PDE4B: variants seen among roughly 807,000 people sequenced by gnomAD.
PDE4B encodes the protein 3',5'-cyclic-AMP phosphodiesterase 4B.
A neutral mutation model predicts 82.2 loss-of-function variants in PDE4B; 20 were observed. That is an observed-to-expected ratio of 0.24 (90% CI 0.17 to 0.35). PDE4B has a LOEUF of 0.35. PDE4B is among the 10% of genes least tolerant of loss of function. PDE4B has a pLI of 1.00. For missense variants in PDE4B, 655 were observed against 907.2 expected (o/e 0.72, Z 3.57); for synonymous variants, 320 against 318.9 (o/e 1.00, Z -0.04).
chr1:66,184,457 A>C (rs1647138080), intron 3 of PDE4B, among the ~76,000 whole-genome samples: 2 of 152,208 alleles, frequency 1.3e-5, no homozygotes, highest in South Asian at 4.1e-4. Flanking sequence ...GAAGAAATGA[A>C]AAGCAAAGAA....
chr1:65,835,918 CT>C lies in PDE4B; in HGVS notation c.-71+42680del, dbSNP rs902471101. 3.9e-3 allele frequency among the ~76,000 whole-genome samples: 574 copies of C among 148,572 alleles called. 4 individuals are homozygous for C. Among genetic ancestry groups the C allele is most frequent in the African/African-American group, 0.013 (541 of 40,678 alleles). On this transcript the variant is annotated intron_variant, in intron 1 of 16. Coordinates refer to ENST00000341517, the MANE Select transcript of PDE4B (RefSeq NM_002600.4). ...CACTTGAGTGAAGTAGCTTTACTCT[CT>C]TTTTTTTTTATTTATATATTTTTAT...
Position 66,170,430 on chromosome 1 carries a change from G to T in PDE4B, c.282-77030G>T, listed in dbSNP as rs543030087. On this transcript the variant is annotated intron_variant, in intron 3 of 16. Coordinates refer to ENST00000341517, the MANE Select transcript of PDE4B (RefSeq NM_002600.4). ...CTTGTGAATTGAGTGGAGTTTTTCT[G>T]TAAGAATAAATTATCTGTTTCCTCA... Among the ~76,000 whole-genome samples, 11 of 152,230 alleles carry T rather than the reference G, an allele frequency of 7.2e-5. No homozygotes were observed. The South Asian group carries it at 1.2e-3, about 17-fold the overall frequency.
chr1:66,354,374 C>T (rs1406778702), intron 8 of PDE4B: 2 of 985,524 alleles, frequency 2.0e-6, no homozygotes, highest in East Asian at 1.1e-4. Flanking sequence ...ATTCATGGGG[C>T]TTCCTCCATT....
At chr1:66,341,833 T>A (rs116333307) in intron 8 of PDE4B, among the ~76,000 whole-genome samples, 1 of 152,314 alleles carries the variant, frequency 6.6e-6, no homozygotes, top group African/African-American at 2.4e-5. Context: ...ACCCTCTCCC[T>A]ACACCCTAGA....
chr1:65,796,955 ATTT>A (rs71058430), intron 1 of PDE4B, among the ~76,000 whole-genome samples: 4 of 131,174 alleles, frequency 3.0e-5, no homozygotes, highest in Non-Finnish European at 4.8e-5. Flanking sequence ...AGCCTGAAAC[ATTT>A]TTTTTTTTTT....
At chr1:66,282,493 G>A (rs1243429138) in intron 7 of PDE4B, among the ~76,000 whole-genome samples, 1 of 152,220 alleles carries the variant, frequency 6.6e-6, no homozygotes, top group Admixed American at 6.5e-5. Flanking sequence ...AAACTGAGGT[G>A]TGTCTTGCTT....
chr1:65,976,627 G>A (rs1004043810), intron 3 of PDE4B, among the ~76,000 whole-genome samples: 14 of 152,096 alleles, frequency 9.2e-5, no homozygotes, highest in Admixed American at 2.6e-4. Context: ...CCTGGTGAGA[G>A]GTGATTAGAT....
intron 3 of PDE4B, among the ~76,000 whole-genome samples, chr1:66,115,805 G>A (rs772316764): frequency 1.3e-5 from 2 of 152,170 alleles, no homozygotes; most frequent in African/African-American, 4.8e-5. Flanking sequence ...TGATGATAAT[G>A]CTCTTTTGTT....
intron 3 of PDE4B, among the ~76,000 whole-genome samples, chr1:66,171,754 A>G (rs1646840471): frequency 6.6e-6 from 1 of 152,168 alleles, no homozygotes; most frequent in Admixed American, 6.6e-5. Flanking sequence ...AATATTGTGA[A>G]GATTGTGATG....
chr1:66,255,351 G>A (rs1419570979), intron 4 of PDE4B, among the ~76,000 whole-genome samples: 2 of 152,106 alleles, frequency 1.3e-5, no homozygotes, highest in African/African-American at 4.8e-5. Context: ...GCCTCCCAAA[G>A]TGCTGGGATT....
chr1:66,199,697 C>T (rs1309004493), intron 3 of PDE4B, among the ~76,000 whole-genome samples: 1 of 151,570 alleles, frequency 6.6e-6, no homozygotes, highest in Non-Finnish European at 1.5e-5. Context: ...CTAATTTAGG[C>T]CTTAAGTAGG....
chr1:66,255,890 G>T (rs962751947), intron 4 of PDE4B, among the ~76,000 whole-genome samples: 2 of 152,228 alleles, frequency 1.3e-5, no homozygotes, highest in Non-Finnish European at 2.9e-5. Context: ...CATAGGCTGG[G>T]TGTAGTGGTT....
At chr1:66,292,921 C>T (rs1025097210) in intron 7 of PDE4B, among the ~76,000 whole-genome samples, 3 of 152,062 alleles carry the variant, frequency 2.0e-5, no homozygotes, top group Non-Finnish European at 4.4e-5. Context: ...GACTTTAGTA[C>T]GAATGTTTGC....
chr1:65,865,861 T>C (rs1646505208), intron 1 of PDE4B, among the ~76,000 whole-genome samples: 1 of 151,920 alleles, frequency 6.6e-6, no homozygotes, highest in African/African-American at 2.4e-5. Context: ...TCAGTCCCTC[T>C]CTGATACAGT....
chr1:65,981,891 G>T (rs906598024), intron 3 of PDE4B, among the ~76,000 whole-genome samples: 10 of 152,020 alleles, frequency 6.6e-5, no homozygotes, highest in African/African-American at 2.4e-4. Flanking sequence ...CCCTTAGAAA[G>T]AACTAACTCA....
chr1:66,137,422 G>T (rs1646080526), intron 3 of PDE4B, among the ~76,000 whole-genome samples: 1 of 152,208 alleles, frequency 6.6e-6, no homozygotes, highest in Non-Finnish European at 1.5e-5. Context: ...GATCATGTCT[G>T]ATGGCTTTAA....
At chr1:65,995,074 A>C (rs1651463905) in intron 3 of PDE4B, among the ~76,000 whole-genome samples, 1 of 151,648 alleles carries the variant, frequency 6.6e-6, no homozygotes, top group Non-Finnish European at 1.5e-5. Flanking sequence ...TACAATTGCC[A>C]AAAAAAATAG....
intron 3 of PDE4B, among the ~76,000 whole-genome samples, chr1:66,151,851 G>T (rs1646400844): frequency 6.6e-6 from 1 of 152,116 alleles, no homozygotes; most frequent in African/African-American, 2.4e-5. Context: ...GAATAAACCT[G>T]GCTATCCAGA....
At position 66,373,589 on chromosome 1, in the gene PDE4B, G is replaced by C. The variant is rs1003859645; in HGVS notation, c.*911G>C. The stretch of plus-strand genomic sequence containing the variant: ...AGGCTGTTTTCAATGTAATGCTGCC[G>C]TCCTTCTCTTGCACTGCCTTCTGCG... On this transcript the variant is annotated 3_prime_UTR_variant, in exon 17 of 17. Transcript: ENST00000341517. The C allele has an allele frequency of 6.6e-6, 1 of 152,586 alleles. No homozygotes were observed. The highest frequency in any genetic ancestry group is 1.5e-5 in the Non-Finnish European group (1 of 68,094). The allele number at this position is 152,586 out of a possible 1,614,324, so 9.5% of individuals were successfully genotyped here.
Sources: gnomAD v4.1 joint callset for allele counts (sites outside exome capture counted in the v4.1 genomes callset) on GRCh38, gnomAD v4.1.1 for gene constraint, MANE v1.5 for transcripts, NCBI Gene and HGNC (gene_info 2026-07-23, HGNC 2026-07-21) for gene names.